The following ALK variants were observed in gnomAD, a reference collection of about 807,000 sequenced individuals.
The protein encoded by ALK is ALK tyrosine kinase receptor.
ALK carries 74 observed loss-of-function variants against 163.1 expected under a neutral mutation model. That is an observed-to-expected ratio of 0.45 (90% CI 0.38 to 0.55). ALK has a LOEUF of 0.55. Ranked by LOEUF, ALK falls within the 20% of genes least tolerant of loss-of-function variation. The pLI is 0.00. For missense variants in ALK, 2,063 were observed against 2,105.3 expected (o/e 0.98, Z 0.39); for synonymous variants, 960 against 843.2 (o/e 1.14, Z -2.40).
intron 8 of ALK, among the ~76,000 whole-genome samples, chr2:29,311,463 T>C (rs10432708): frequency 0.5 from 75,320 of 152,090 alleles, 19,933 homozygotes; most frequent in East Asian, 0.79. Context: ...AGCCACTCAA[T>C]AGTAAATAAT....
At chr2:29,271,002 C>T (rs1022484812) in intron 11 of ALK, among the ~76,000 whole-genome samples, 9 of 152,132 alleles carry the variant, frequency 5.9e-5, no homozygotes, top group South Asian at 2.1e-4. Flanking sequence ...CAGGATTTTT[C>T]GGAACTGGAT....
rs370235133 is a variant in ALK at position 29,383,799 on chromosome 2, T to A, written c.1215A>T (p.Glu405Asp). ...RPDNPFRVAL[E>D]YISSGNRSLS... ...AGCTGCGGTTTCCACTGGAGATGTA[T>A]TCCAGGGCCACTCGAAATGGGTTGT... Residue 405 changes from glutamate (E) to aspartate (D), a missense_variant, in exon 5 of 29, where the codon GAA (glutamate) becomes GAT (aspartate). Glu to Asp is a conservative substitution (Grantham distance 45, BLOSUM62 2). This residue lies in a region of ALK where 987 missense variants were observed against 939.5 expected (regional missense o/e 1.05). Transcript: ENST00000389048. The A allele has an allele frequency of 1.8e-4, 291 of 1,614,196 alleles. 5 individuals carry two copies. The South Asian group carries it at 3.0e-3, about 17-fold the overall frequency.
chr2:29,199,524 T>C (rs1243872941), intron 26 of ALK, among the ~76,000 whole-genome samples: 2 of 152,216 alleles, frequency 1.3e-5, no homozygotes. Flanking sequence ...TCCAACACTA[T>C]GCATAAGATA....
chr2:29,620,766 C>T (rs188087933), intron 3 of ALK, among the ~76,000 whole-genome samples: 52 of 152,208 alleles, frequency 3.4e-4, no homozygotes, highest in South Asian at 1.9e-3. Flanking sequence ...CTTACATGGG[C>T]GATACAGTAT....
rs572051905 is a variant in ALK, at chr2:29,605,515, A to G, written c.953-73399T>C. On this transcript the variant is annotated intron_variant, in intron 3 of 28. Coordinates refer to ENST00000389048, the MANE Select transcript of ALK (RefSeq NM_004304.5). ...TGGAGGCGGGGCCTTTGGGAGATAGATGACTTAGATGAAGTCACGAAAGGT... is the reference window on the plus strand; with the variant it reads ...TGGAGGCGGGGCCTTTGGGAGATAGGTGACTTAGATGAAGTCACGAAAGGT... Among the ~76,000 whole-genome samples, 273 of 152,320 alleles carry G rather than the reference A, an allele frequency of 1.8e-3. 3 individuals carry two copies. The highest frequency in any genetic ancestry group is 3.0e-3 in the Non-Finnish European group (206 of 68,012).
At position 29,792,247 on chromosome 2, in the gene ALK, A is replaced by G. The variant is rs1664207278; in HGVS notation, c.668-74550T>C. On this transcript the variant is annotated intron_variant, in intron 1 of 28. Coordinates refer to ENST00000389048, the MANE Select transcript of ALK (RefSeq NM_004304.5). ...GTGCTAACACAAAAACAGATGGAAC[A>G]GTGGAACAGTTGCAGAAGGTAGATA... 2.0e-5 allele frequency among the ~76,000 whole-genome samples: 3 copies of G among 152,244 alleles called. No individual in the cohort carries two copies. The South Asian group carries it at 6.2e-4, about 31-fold the overall frequency.
chr2:29,275,262 T>G, intron 10 of ALK, 35 bp from the exon 11 acceptor site: 1 of 1,613,466 alleles, frequency 6.2e-7, no homozygotes, highest in South Asian at 1.1e-5. Context: ...CTGAGTTAGG[T>G]GAGGGTTGAT....
chr2:29,578,563 T>C (rs1674589288), intron 3 of ALK, among the ~76,000 whole-genome samples: 1 of 152,204 alleles, frequency 6.6e-6, no homozygotes, highest in African/African-American at 2.4e-5. Context: ...CAGGGCCTGT[T>C]TGGGGGTAGG....
At chr2:29,194,646 T>C (rs928752584) in intron 28 of ALK, among the ~76,000 whole-genome samples, 1 of 148,546 alleles carries the variant, frequency 6.7e-6, no homozygotes, top group African/African-American at 2.5e-5. Context: ...ATTACAGGCA[T>C]GCACCCCACC....
At chr2:29,267,512 G>C (rs1665252123) in intron 11 of ALK, among the ~76,000 whole-genome samples, 1 of 152,124 alleles carries the variant, frequency 6.6e-6, no homozygotes, top group Non-Finnish European at 1.5e-5. Context: ...CATCTTTTGT[G>C]TAAGCACCCA....
At chr2:29,278,786 T>G (rs1360950180) in intron 9 of ALK, among the ~76,000 whole-genome samples, 1 of 152,214 alleles carries the variant, frequency 6.6e-6, no homozygotes, top group East Asian at 1.9e-4. Context: ...AAGGCACAGC[T>G]GCCTGGCTCG....
intron 1 of ALK, among the ~76,000 whole-genome samples, chr2:29,834,272 A>G (rs1430007233): frequency 6.6e-6 from 1 of 152,202 alleles, no homozygotes; most frequent in Non-Finnish European, 1.5e-5. Flanking sequence ...TTTATTGTCT[A>G]CATGGTACTC....
intron 3 of ALK, among the ~76,000 whole-genome samples, chr2:29,574,773 G>A (rs1206458823): frequency 6.6e-6 from 1 of 152,224 alleles, no homozygotes; most frequent in Non-Finnish European, 1.5e-5. Flanking sequence ...CTCAGCTACT[G>A]CTTAGGTACT....
chr2:29,282,036 C>A (rs1313221092), intron 9 of ALK, among the ~76,000 whole-genome samples: 1 of 152,144 alleles, frequency 6.6e-6, no homozygotes, highest in Non-Finnish European at 1.5e-5. Flanking sequence ...GAGGGCAGAG[C>A]AGGATGGAGT....
At chr2:29,762,700 G>A (rs1221180926) in intron 1 of ALK, among the ~76,000 whole-genome samples, 1 of 152,186 alleles carries the variant, frequency 6.6e-6, no homozygotes, top group African/African-American at 2.4e-5. Flanking sequence ...GGAAGCTTAA[G>A]CAACCAGCTA....
At chr2:29,781,090 T>C (rs1405704036) in intron 1 of ALK, among the ~76,000 whole-genome samples, 1 of 152,206 alleles carries the variant, frequency 6.6e-6, no homozygotes, top group South Asian at 2.1e-4. Flanking sequence ...AGAACAAAGA[T>C]GATTCAGACA....
At chr2:29,244,397 G>A (rs1664599363) in intron 12 of ALK, among the ~76,000 whole-genome samples, 1 of 152,170 alleles carries the variant, frequency 6.6e-6, no homozygotes, top group Admixed American at 6.5e-5. Context: ...TTCTGATCAG[G>A]TATATAGTTG....
At chr2:29,695,096 T>G (rs768120106) in intron 2 of ALK, 82 bp from the exon 3 acceptor site, 6 of 1,522,020 alleles carry the variant, frequency 3.9e-6, no homozygotes, top group African/African-American at 1.4e-5. Flanking sequence ...CACTAGGAGG[T>G]TGGCCTTCAT....
chr2:29,605,577 G>T (rs898415473), intron 3 of ALK, among the ~76,000 whole-genome samples: 2 of 152,134 alleles, frequency 1.3e-5, no homozygotes, highest in African/African-American at 4.8e-5. Flanking sequence ...TTTATAAGAA[G>T]ACAAAGGGAG....
Sources: gnomAD v4.1 joint callset for allele counts (sites outside exome capture counted in the v4.1 genomes callset) on GRCh38, gnomAD v4.1.1 for gene constraint, gnomAD v4.1.1 regional missense constraint, MANE v1.5 for transcripts, NCBI Gene and HGNC (gene_info 2026-07-23, HGNC 2026-07-21) for gene names.